The following DNM3 variants were observed in gnomAD, a reference collection of about 807,000 sequenced individuals.
DNM3 encodes the protein dynamin-3.
Under a neutral mutation model 101.6 loss-of-function variants are expected in DNM3, and 47 were observed. That is an observed-to-expected ratio of 0.46 (90% CI 0.37 to 0.59). The LOEUF (loss-of-function observed/expected upper bound fraction) is 0.59, where lower values mean the gene tolerates loss of function less well. DNM3 is among the 20% of genes least tolerant of loss of function. DNM3 has a pLI of 0.00. For synonymous variants in DNM3, 385 were observed against 387.9 expected, an observed-to-expected ratio of 0.99 and a Z score of 0.09; for missense variants, 849 against 1,085.7, an observed-to-expected ratio of 0.78 and a Z score of 3.06.
intron 2 of DNM3, among the ~76,000 whole-genome samples, chr1:171,948,863 A>T (rs2042328219): frequency 6.6e-6 from 1 of 152,146 alleles, no homozygotes; most frequent in Non-Finnish European, 1.5e-5. Context: ...GTATTCAGGC[A>T]CTCAAGAGTT....
rs527694105 is a variant in DNM3 at position 171,854,081 on chromosome 1, A to T, written c.161+12264A>T. 5.3e-5 allele frequency among the ~76,000 whole-genome samples: 8 copies of T among 152,286 alleles called. No individual in the cohort carries two copies. The East Asian group carries it at 1.5e-3, about 29-fold the overall frequency. On this transcript the variant is annotated intron_variant, in intron 1 of 20. Transcript: ENST00000627582. ...CTTGAGTTGCTACTTTGTGAAAGAC[A>T]CTGTTTTGGGATGGAAAAAAAAATA...
intron 10 of DNM3, among the ~76,000 whole-genome samples, chr1:172,060,023 G>C (rs936716926): frequency 7.3e-5 from 11 of 151,544 alleles, no homozygotes; most frequent in Non-Finnish European, 1.3e-4. Context: ...TCAATGTACA[G>C]AAATCACAAG....
intron 2 of DNM3, among the ~76,000 whole-genome samples, chr1:171,971,580 A>G (rs764099918): frequency 1.6e-4 from 25 of 152,244 alleles, no homozygotes; most frequent in Non-Finnish European, 3.1e-4. Flanking sequence ...ATATGGCCAG[A>G]AAACGCCACT....
At chr1:172,010,134 A>G (rs1245398438) in intron 4 of DNM3, among the ~76,000 whole-genome samples, 1 of 151,892 alleles carries the variant, frequency 6.6e-6, no homozygotes, top group Non-Finnish European at 1.5e-5. Context: ...CCTATATTAT[A>G]AATCTTTCTA....
intron 15 of DNM3, among the ~76,000 whole-genome samples, chr1:172,254,623 C>G (rs566236482): frequency 6.6e-5 from 10 of 152,236 alleles, no homozygotes; most frequent in Admixed American, 2.6e-4. Flanking sequence ...AGGACTTCCT[C>G]TAAGTACACT....
At chr1:172,397,177 G>A (rs1224986432) in intron 20 of DNM3, 1 of 152,538 alleles carries the variant, frequency 6.6e-6, no homozygotes. Context: ...TTAAAACAAC[G>A]AGAATTGCTT....
At chr1:171,956,062 T>C (rs2042837570) in intron 2 of DNM3, among the ~76,000 whole-genome samples, 2 of 152,162 alleles carry the variant, frequency 1.3e-5, no homozygotes, top group South Asian at 4.1e-4. Flanking sequence ...CAATTCAAGA[T>C]GAGATTTGGG....
intron 1 of DNM3, among the ~76,000 whole-genome samples, chr1:171,921,245 G>A (rs1282208023): frequency 6.6e-6 from 1 of 152,008 alleles, no homozygotes; most frequent in Admixed American, 6.6e-5. Context: ...ACTGTGCCCG[G>A]CCTTGTTTCC....
intron 17 of DNM3, among the ~76,000 whole-genome samples, chr1:172,333,030 C>G (rs922931522): frequency 2.6e-5 from 4 of 152,038 alleles, no homozygotes; most frequent in Non-Finnish European, 4.4e-5. Flanking sequence ...AAATATCTAT[C>G]CTTTAAAAAT....
At chr1:171,936,017 GT>G (rs199537413) in intron 2 of DNM3, among the ~76,000 whole-genome samples, 3,600 of 142,174 alleles carry the variant, frequency 0.025, 128 homozygotes, top group African/African-American at 0.07. Flanking sequence ...TGAAGAAGGT[GT>G]TTTTTTTTTT....
chr1:172,145,300 TTCTGTCTG>T (rs1553394385), intron 14 of DNM3, among the ~76,000 whole-genome samples: 1 of 150,784 alleles, frequency 6.6e-6, no homozygotes, highest in African/African-American at 2.4e-5. Context: ...GCAGATAAGT[TTCTGTCTG>T]TCTGTCTGTC....
At chr1:172,088,542 A>C (rs1399285268) in intron 12 of DNM3, among the ~76,000 whole-genome samples, 1 of 152,148 alleles carries the variant, frequency 6.6e-6, no homozygotes, top group Non-Finnish European at 1.5e-5. Context: ...TTATTATACT[A>C]GATGGCTTTT....
chr1:171,900,068 A>C (rs981362281), intron 1 of DNM3, among the ~76,000 whole-genome samples: 3 of 152,188 alleles, frequency 2.0e-5, no homozygotes, highest in Non-Finnish European at 1.5e-5. Context: ...GATTGGCAAG[A>C]AGTAATTTAC....
intron 1 of DNM3, among the ~76,000 whole-genome samples, chr1:171,881,853 T>A (rs2036293541): frequency 6.6e-6 from 1 of 152,162 alleles, no homozygotes; most frequent in South Asian, 2.1e-4. Flanking sequence ...TCAGTTTACT[T>A]AAGGAGAGGG....
At chr1:171,917,895 A>G (rs2125306897) in intron 1 of DNM3, among the ~76,000 whole-genome samples, 1 of 152,330 alleles carries the variant, frequency 6.6e-6, no homozygotes. Flanking sequence ...TTCCCATAAA[A>G]TATGCTTACG....
At chr1:172,295,105 G>A (rs10911508) in intron 15 of DNM3, among the ~76,000 whole-genome samples, 25,216 of 152,012 alleles carry the variant, frequency 0.17, 2,193 homozygotes, top group Middle Eastern at 0.27. Flanking sequence ...AGTGACCAGT[G>A]AATGCTTTGC....
intron 4 of DNM3, among the ~76,000 whole-genome samples, chr1:172,006,590 T>C (rs1358082675): frequency 6.6e-6 from 1 of 152,080 alleles, no homozygotes; most frequent in Non-Finnish European, 1.5e-5. Flanking sequence ...AAATCTATTT[T>C]ATTTATTTAT....
intron 2 of DNM3, among the ~76,000 whole-genome samples, chr1:171,965,141 G>A (rs1181115065): frequency 3.3e-5 from 5 of 150,570 alleles, no homozygotes; most frequent in Non-Finnish European, 7.4e-5. Context: ...TTTGACTAGG[G>A]GTTCACATGC....
At chr1:172,340,866 T>G (rs2066655059) in intron 17 of DNM3, among the ~76,000 whole-genome samples, 1 of 152,202 alleles carries the variant, frequency 6.6e-6, no homozygotes, top group Non-Finnish European at 1.5e-5. Context: ...AGAGAGGGCA[T>G]TCTTGTCTTC....
Sources: allele counts gnomAD v4.1 joint callset (sites outside exome capture counted in the v4.1 genomes callset), GRCh38; gene constraint gnomAD v4.1.1; transcripts MANE v1.5; gene names NCBI Gene and HGNC (gene_info 2026-07-23, HGNC 2026-07-21).